Variants in GAS2 observed in about 807,000 individuals in gnomAD.
The protein encoded by GAS2 is growth arrest-specific protein 2.
A neutral mutation model predicts 37.5 loss-of-function variants in GAS2; 20 were observed. The observed-to-expected ratio is 0.53, with a 90% confidence interval of 0.37 to 0.77. The LOEUF (loss-of-function observed/expected upper bound fraction) is 0.77. Ranked by LOEUF, GAS2 falls within the 30% of genes least tolerant of loss-of-function variation. GAS2 has a pLI of 0.00. For missense variants in GAS2, 336 were observed against 373.4 expected, an observed-to-expected ratio of 0.90 and a Z score of 0.82; for synonymous variants, 144 against 132.2, an observed-to-expected ratio of 1.09 and a Z score of -0.61.
intron 5 of GAS2, among the ~76,000 whole-genome samples, chr11:22,739,617 A>T (rs146040110): frequency 2.8e-4 from 42 of 151,328 alleles, no homozygotes; most frequent in African/African-American, 1.0e-3. Context: ...AGTTAAAAAT[A>T]CAAGGGGTAG....
chr11:22,789,281 C>CATAT (rs1210684540), intron 7 of GAS2, among the ~76,000 whole-genome samples: 183 of 109,760 alleles, frequency 1.7e-3, no homozygotes, highest in African/African-American at 2.9e-3. Context: ...GCCTAGATTT[C>CATAT]ATATATATAT....
intron 3 of GAS2, among the ~76,000 whole-genome samples, chr11:22,722,522 A>C: frequency 6.6e-6 from 1 of 151,894 alleles, no homozygotes; most frequent in Non-Finnish European, 1.5e-5. Flanking sequence ...AGTGAGCCTA[A>C]ATTTCTATCC....
upstream of GAS2, among the ~76,000 whole-genome samples, chr11:22,664,759 A>G (rs142872915): frequency 2.0e-4 from 31 of 152,240 alleles, no homozygotes; most frequent in African/African-American, 5.8e-4. Context: ...AGAAATATTG[A>G]TTTTGAAAAA....
chr11:22,634,919 ACCT>A (rs1363512446), intron 1 of GAS2, among the ~76,000 whole-genome samples: 1 of 152,044 alleles, frequency 6.6e-6, no homozygotes, highest in Non-Finnish European at 1.5e-5. Context: ...TAGACTCAAG[ACCT>A]CCTGGTTAGC....
At chr11:22,626,531 A>G (rs1251498195) in intron 1 of GAS2, 1 of 153,038 alleles carries the variant, frequency 6.5e-6, no homozygotes, top group African/African-American at 2.4e-5. Flanking sequence ...AGAGCATCGA[A>G]CAATAATAAA....
In GAS2 at chr11:22,812,739, T is replaced by C. The variant is rs1156962430; in HGVS notation, c.*723T>C. 6.6e-6 allele frequency: 1 copy of C among 152,604 alleles called. No individual in the cohort carries two copies. The highest frequency in any genetic ancestry group is 1.5e-5 in the Non-Finnish European group (1 of 68,016). The allele number at this position is 152,604 out of a possible 1,614,324, so 9.5% of individuals were successfully genotyped here. On this transcript the variant is annotated 3_prime_UTR_variant, in exon 8 of 8. Transcript: ENST00000454584. ...AGTGTAATTCATACATGAGCTGACATACGTTGATACTTTGACGAGTAAATT... is the reference window on the plus strand; with the variant it reads ...AGTGTAATTCATACATGAGCTGACACACGTTGATACTTTGACGAGTAAATT...
chr11:22,762,197 G>T (rs1854427863), intron 7 of GAS2, among the ~76,000 whole-genome samples: 1 of 152,000 alleles, frequency 6.6e-6, no homozygotes, highest in Admixed American at 6.5e-5. Context: ...TATTTAATTT[G>T]TTTTCATTTT....
Position 22,689,267 on chromosome 11 carries a change from C to T in GAS2, c.267+3478C>T, listed in dbSNP as rs1484925048. 2.0e-5 allele frequency among the ~76,000 whole-genome samples: 3 copies of T among 152,118 alleles called. No individual in the cohort carries two copies. In the East Asian group the frequency reaches 5.8e-4, roughly 29 times the overall value. Reference sequence around the variant, plus strand: ...CATGTAACAATCCTGCACATGTCCCCTCCGAACCTAAAATAAAAGTTAAAA... The same window carrying T: ...CATGTAACAATCCTGCACATGTCCCTTCCGAACCTAAAATAAAAGTTAAAA... On this transcript the variant is annotated intron_variant, in intron 3 of 7. Transcript: ENST00000454584.
At chr11:22,689,675 A>G (rs1358818241) in intron 3 of GAS2, among the ~76,000 whole-genome samples, 1 of 152,246 alleles carries the variant, frequency 6.6e-6, no homozygotes, top group Non-Finnish European at 1.5e-5. Flanking sequence ...GATGTTGTTA[A>G]ATCTAAATAC....
chr11:22,682,827 A>T (rs1305415765), intron 2 of GAS2, among the ~76,000 whole-genome samples: 3 of 140,020 alleles, frequency 2.1e-5, no homozygotes, highest in Non-Finnish European at 3.1e-5. Context: ...GCCTGACGAG[A>T]TCGCACCACT....
At chr11:22,694,010 C>T (rs114895244) in intron 3 of GAS2, among the ~76,000 whole-genome samples, 1,826 of 152,158 alleles carry the variant, frequency 0.012, 30 homozygotes, top group African/African-American at 0.042. Context: ...TGGTGTCTTT[C>T]AGAGGGTAGC....
intron 7 of GAS2, among the ~76,000 whole-genome samples, chr11:22,807,891 G>C (rs945294585): frequency 6.6e-6 from 1 of 152,194 alleles, no homozygotes; most frequent in African/African-American, 2.4e-5. Flanking sequence ...TGGTGCAGAT[G>C]TGATGATCTG....
intron 3 of GAS2, among the ~76,000 whole-genome samples, chr11:22,712,259 T>G (rs963991607): frequency 3.9e-5 from 6 of 152,032 alleles, no homozygotes; most frequent in Non-Finnish European, 7.4e-5. Context: ...ACCAGTGCAC[T>G]AAACAAAACT....
chr11:22,673,844 A>G (rs1849302577), intron 1 of GAS2, among the ~76,000 whole-genome samples: 1 of 152,214 alleles, frequency 6.6e-6, no homozygotes, highest in African/African-American at 2.4e-5. Context: ...ACTGCTCACA[A>G]TATGATCAGG....
At chr11:22,635,063 G>A (rs748390642) in intron 1 of GAS2, among the ~76,000 whole-genome samples, 1 of 152,212 alleles carries the variant, frequency 6.6e-6, no homozygotes, top group Non-Finnish European at 1.5e-5. Context: ...GGCGGTGCTT[G>A]CAAAAGAGTG....
intron 3 of GAS2, among the ~76,000 whole-genome samples, chr11:22,711,422 A>C (rs180758072): frequency 6.6e-6 from 1 of 152,190 alleles, no homozygotes; most frequent in East Asian, 1.9e-4. Context: ...GCACAGGGTG[A>C]GGTAAGCTCC....
At chr11:22,741,738 A>G (rs1047718117) in intron 5 of GAS2, among the ~76,000 whole-genome samples, 9 of 152,184 alleles carry the variant, frequency 5.9e-5, no homozygotes, top group Non-Finnish European at 1.2e-4. Context: ...TGAGAACATC[A>G]TATACTTTCA....
intron 7 of GAS2, among the ~76,000 whole-genome samples, chr11:22,772,473 G>T (rs1855030877): frequency 6.6e-6 from 1 of 152,158 alleles, no homozygotes; most frequent in Non-Finnish European, 1.5e-5. Context: ...TTAAAGGGGT[G>T]TGTGTATTGG....
chr11:22,664,601 T>G (rs961997796), upstream of GAS2, among the ~76,000 whole-genome samples: 1 of 152,150 alleles, frequency 6.6e-6, no homozygotes, highest in Non-Finnish European at 1.5e-5. Context: ...TTCCTTTGCA[T>G]TCACATTAGA....
Sources: allele counts gnomAD v4.1 joint callset (sites outside exome capture counted in the v4.1 genomes callset), GRCh38; gene constraint gnomAD v4.1.1; transcripts MANE v1.5; gene names NCBI Gene and HGNC (gene_info 2026-07-23, HGNC 2026-07-21).